The following AGTPBP1 variants were observed in gnomAD, a reference collection of about 807,000 sequenced individuals.
AGTPBP1 encodes the protein ATP/GTP binding carboxypeptidase 1.
A neutral mutation model predicts 143.9 loss-of-function variants in AGTPBP1; 70 were observed. The observed-to-expected ratio is 0.49, with a 90% CI of 0.40 to 0.59. The LOEUF is 0.59. AGTPBP1 is among the 20% of genes least tolerant of loss of function. The pLI is 0.00. For synonymous variants in AGTPBP1, 463 were observed against 500.2 expected (o/e 0.93, Z 0.99); for missense variants, 1,229 against 1,464.5 (o/e 0.84, Z 2.62).
chr9:85,589,416 G>T, intron 20 of AGTPBP1, 112 bp downstream of exon 20: 1 of 1,375,616 alleles, frequency 7.3e-7, no homozygotes. Flanking sequence ...CAAGACTAGA[G>T]CCCAAGTCTT....
chr9:85,645,124 G>T (rs919388223), intron 12 of AGTPBP1, among the ~76,000 whole-genome samples: 1 of 152,032 alleles, frequency 6.6e-6, no homozygotes, highest in Admixed American at 6.6e-5. Context: ...TATACAACCT[G>T]TATTTACCTC....
At chr9:85,742,577 T>G (rs1438550455), upstream of AGTPBP1, among the ~76,000 whole-genome samples, 1 of 152,124 alleles carries the variant, frequency 6.6e-6, no homozygotes, top group African/African-American at 2.4e-5. Context: ...TCTCAGTAAA[T>G]TAGATGCCTA....
Position 85,619,478 on chromosome 9 carries a change from T to C in AGTPBP1, c.2100-177A>G, listed in dbSNP as rs896704964. 3.9e-5 allele frequency among the ~76,000 whole-genome samples: 6 copies of C among 152,202 alleles called. No homozygotes were observed. The South Asian group carries it at 6.2e-4, about 16-fold the overall frequency. On this transcript the variant is annotated intron_variant, in intron 15 of 25. Transcript: ENST00000357081. ...ATACATTAAATGTGGATAAGATTTATGGACAAAACTTATAATAAGAGATTT... is the reference window on the plus strand; with the variant it reads ...ATACATTAAATGTGGATAAGATTTACGGACAAAACTTATAATAAGAGATTT...
chr9:85,682,908 A>C (rs893024835), intron 3 of AGTPBP1, among the ~76,000 whole-genome samples: 2 of 152,238 alleles, frequency 1.3e-5, no homozygotes, highest in African/African-American at 4.8e-5. Flanking sequence ...GTACTACAGA[A>C]GGGACATAGT....
At chr9:85,591,761 CTA>C (rs1259644217) in intron 19 of AGTPBP1, among the ~76,000 whole-genome samples, 1 of 152,068 alleles carries the variant, frequency 6.6e-6, no homozygotes, top group Non-Finnish European at 1.5e-5. Flanking sequence ...GCTCTACAGA[CTA>C]TGTTTTTCTT....
intron 17 of AGTPBP1, among the ~76,000 whole-genome samples, chr9:85,616,953 T>A (rs999041736): frequency 2.0e-5 from 3 of 152,066 alleles, no homozygotes; most frequent in Non-Finnish European, 2.9e-5. Context: ...CACTTAAAAA[T>A]TAGTTACTTA....
At chr9:85,722,547 T>C (rs1838198828) in intron 1 of AGTPBP1, among the ~76,000 whole-genome samples, 1 of 152,234 alleles carries the variant, frequency 6.6e-6, no homozygotes, top group South Asian at 2.1e-4. Flanking sequence ...TTCTTTATAC[T>C]GTTTATTATA....
At chr9:85,685,644 A>G (rs908743470) in intron 3 of AGTPBP1, among the ~76,000 whole-genome samples, 2 of 152,108 alleles carry the variant, frequency 1.3e-5, no homozygotes, top group Non-Finnish European at 2.9e-5. Flanking sequence ...TCTGTAGGCT[A>G]AAGAGAAATG....
At chr9:85,794,742 C>G in the AGTPBP1 span, among the ~76,000 whole-genome samples, 2 of 152,264 alleles carry the variant, frequency 1.3e-5, no homozygotes, top group Admixed American at 6.5e-5. Context: ...GGGAGTACTG[C>G]CATCTTAGCA....
At chr9:85,662,599 C>G (rs1304513808) in intron 8 of AGTPBP1, among the ~76,000 whole-genome samples, 1 of 152,130 alleles carries the variant, frequency 6.6e-6, no homozygotes, top group African/African-American at 2.4e-5. Context: ...AAGAAAACCT[C>G]TTCAGCAAGA....
rs1564101062 is a variant in AGTPBP1, at chr9:85,646,419, C to T, written c.1088-1G>A. 6.2e-7 allele frequency: 1 copy of T among 1,611,548 alleles called. No homozygotes were observed. The highest frequency in any genetic ancestry group is 8.5e-7 in the Non-Finnish European group (1 of 1,178,744). ...TCACTTTCATCTACTACGTCATCCA[C>T]TATGATACAAAATGTGCTATAAGTA... On this transcript the variant is annotated splice_acceptor_variant, in intron 11 of 25. Coordinates refer to ENST00000357081, the MANE Select transcript of AGTPBP1 (RefSeq NM_001330701.2). LOFTEE classifies it high-confidence loss of function.
chr9:85,547,622 CT>C (rs1306740472), intron 25 of AGTPBP1, among the ~76,000 whole-genome samples: 4 of 152,092 alleles, frequency 2.6e-5, no homozygotes, highest in African/African-American at 9.7e-5. Context: ...TTTTTTAATT[CT>C]ACTAAAATCA....
At chr9:85,798,057 ATT>A in the AGTPBP1 span, among the ~76,000 whole-genome samples, 9 of 135,534 alleles carry the variant, frequency 6.6e-5, no homozygotes, top group Admixed American at 7.5e-5. Flanking sequence ...CACATCGGCT[ATT>A]TTTTTTTTTT....
chr9:85,666,413 C>T (rs764108147), intron 8 of AGTPBP1, among the ~76,000 whole-genome samples: 14 of 151,992 alleles, frequency 9.2e-5, no homozygotes, highest in Non-Finnish European at 1.3e-4. Flanking sequence ...CAACAGAAAG[C>T]GTTAGATGTC....
chr9:85,748,734 C>T, the AGTPBP1 span, among the ~76,000 whole-genome samples: 2 of 152,140 alleles, frequency 1.3e-5, no homozygotes, highest in African/African-American at 4.8e-5. Flanking sequence ...TGAATCTGTC[C>T]AATTTTCATT....
intron 23 of AGTPBP1, among the ~76,000 whole-genome samples, chr9:85,584,137 A>C (rs1016582678): frequency 6.6e-6 from 1 of 151,832 alleles, no homozygotes; most frequent in Non-Finnish European, 1.5e-5. Flanking sequence ...TCATTTTCTT[A>C]TCTTTTTTTT....
At chr9:85,771,310 T>C in the AGTPBP1 span, among the ~76,000 whole-genome samples, 2 of 152,100 alleles carry the variant, frequency 1.3e-5, no homozygotes, top group Non-Finnish European at 2.9e-5. Flanking sequence ...ATCCTATCTT[T>C]ACAAAAAATA....
intron 23 of AGTPBP1, among the ~76,000 whole-genome samples, chr9:85,583,922 A>G (rs1258832855): frequency 6.6e-6 from 1 of 151,962 alleles, no homozygotes. Flanking sequence ...GCTATGAAGG[A>G]GAGAGAATCC....
chr9:85,559,451 C>CTT (rs537702007), intron 25 of AGTPBP1, among the ~76,000 whole-genome samples: 6 of 140,508 alleles, frequency 4.3e-5, no homozygotes, highest in African/African-American at 1.3e-4. Context: ...AAAAAAAAAT[C>CTT]TTTTTTTTTT....
Sources: allele counts gnomAD v4.1 joint callset (sites outside exome capture counted in the v4.1 genomes callset), GRCh38; gene constraint gnomAD v4.1.1; transcripts MANE v1.5; gene names NCBI Gene and HGNC (gene_info 2026-07-23, HGNC 2026-07-21).